The following GOLM2 variants were observed in gnomAD, a reference collection of about 807,000 sequenced individuals.
The protein encoded by GOLM2 is protein GOLM2.
GOLM2 carries 26 observed loss-of-function variants against 55.9 expected under a neutral mutation model. The observed-to-expected ratio is 0.47, with a 90% CI of 0.34 to 0.65. GOLM2 has a LOEUF of 0.65. GOLM2 is among the 30% of genes least tolerant of loss of function. The pLI is 0.01. For missense variants in GOLM2, 486 were observed against 531.8 expected (o/e 0.91, Z 0.85); for synonymous variants, 165 against 194.6 (o/e 0.85, Z 1.27).
chr15:44,412,981 C>T (rs2079648299), intron 9 of GOLM2, among the ~76,000 whole-genome samples: 1 of 147,726 alleles, frequency 6.8e-6, no homozygotes, highest in Admixed American at 6.8e-5. Flanking sequence ...CCAGCCTAGG[C>T]AACGGAGTGA....
At chr15:44,390,238 A>C (rs541167977) in intron 8 of GOLM2, 12 of 152,368 alleles carry the variant, frequency 7.9e-5, no homozygotes, top group Admixed American at 1.3e-4. Flanking sequence ...TACTTCAAAG[A>C]AACAGACATC....
intron 6 of GOLM2, among the ~76,000 whole-genome samples, chr15:44,367,779 G>C (rs956383086): frequency 1.1e-4 from 17 of 147,970 alleles, no homozygotes; most frequent in Non-Finnish European, 2.1e-4. Context: ...TGGCGACGGA[G>C]ACTCTGTCTC....
chr15:44,310,438 T>TTCTCTCTCTCTCTCTCTCTCTCTC (rs778563022), intron 1 of GOLM2, among the ~76,000 whole-genome samples: 22 of 136,602 alleles, frequency 1.6e-4, no homozygotes, highest in African/African-American at 4.2e-4. Context: ...GAGTCTCTCT[T>TTCTCTCTCTCTCTCTCTCTCTCTC]TCTCTCTCTC....
chr15:44,369,815 G>A (rs941566621), intron 6 of GOLM2, among the ~76,000 whole-genome samples: 1 of 151,772 alleles, frequency 6.6e-6, no homozygotes, highest in African/African-American at 2.4e-5. Flanking sequence ...AATTTAAAAT[G>A]TGTGTAACTT....
intron 1 of GOLM2, among the ~76,000 whole-genome samples, chr15:44,317,620 T>A (rs2078919963): frequency 6.6e-6 from 1 of 152,178 alleles, no homozygotes; most frequent in African/African-American, 2.4e-5. Context: ...TTTCCCTCAG[T>A]GATCTCATTC....
chr15:44,291,962 T>C (rs2078723805), intron 1 of GOLM2, among the ~76,000 whole-genome samples: 1 of 152,142 alleles, frequency 6.6e-6, no homozygotes, highest in African/African-American at 2.4e-5. Flanking sequence ...CTATTCAATT[T>C]TGTTTAACTC....
intron 1 of GOLM2, among the ~76,000 whole-genome samples, chr15:44,320,865 G>C (rs1036261153): frequency 1.3e-5 from 2 of 152,150 alleles, no homozygotes; most frequent in African/African-American, 4.8e-5. Context: ...CAGTCAGACA[G>C]TATGTTGGTG....
chr15:44,378,058 TA>T (rs1413719648), intron 6 of GOLM2, among the ~76,000 whole-genome samples: 4 of 150,098 alleles, frequency 2.7e-5, no homozygotes, highest in African/African-American at 2.4e-5. Flanking sequence ...TTTATTTATT[TA>T]TTTTTTTGAG....
At position 44,323,076 on chromosome 15, in the gene GOLM2, G is replaced by A. The variant is rs1217145714; in HGVS notation, c.382+57G>A. 4.3e-6 allele frequency: 5 copies of A among 1,166,148 alleles called. No homozygotes were observed. In the East Asian group the frequency reaches 1.3e-4, roughly 31 times the overall value. 72.2% of individuals were successfully genotyped at this position (1,166,148 alleles called of 1,614,324 possible). On this transcript the variant is annotated intron_variant, in intron 2 of 9. Transcript: ENST00000299957. ...CCAAGGTCACTAAATGCCTAAAATT[G>A]TGAAGAATTAAGAAATAGTAAATTA...
Position 44,407,133 on chromosome 15 carries a change from T to C in GOLM2, c.1240+4079T>C, listed in dbSNP as rs1293186077. ...TATTTATAATATATTTATATAGATA[T>C]ATAAATGGTTATATATTTATAATAT... On this transcript the variant is annotated intron_variant, in intron 9 of 9. Coordinates refer to ENST00000299957, the MANE Select transcript of GOLM2 (RefSeq NM_138423.4). Among the ~76,000 whole-genome samples, 7 of 146,750 alleles carry C rather than the reference T, an allele frequency of 4.8e-5. No homozygotes were observed. The Admixed American group carries it at 4.8e-4, about 10-fold the overall frequency.
intron 1 of GOLM2, among the ~76,000 whole-genome samples, chr15:44,294,036 A>G (rs1303857303): frequency 6.6e-6 from 1 of 152,092 alleles, no homozygotes; most frequent in African/African-American, 2.4e-5. Flanking sequence ...TGTTGCTCAA[A>G]TTGTTCTGGC....
At chr15:44,389,383 C>T (rs1308763156) in intron 8 of GOLM2, among the ~76,000 whole-genome samples, 1 of 151,844 alleles carries the variant, frequency 6.6e-6, no homozygotes, top group Non-Finnish European at 1.5e-5. Flanking sequence ...TACAAAATTA[C>T]CCAGGTGTGG....
At chr15:44,325,195 G>A (rs189457809) in intron 2 of GOLM2, among the ~76,000 whole-genome samples, 17 of 151,926 alleles carry the variant, frequency 1.1e-4, no homozygotes, top group African/African-American at 4.1e-4. Context: ...TTGCTTTCTG[G>A]TCTTCTTACT....
At chr15:44,389,880 A>C (rs2079476021) in intron 8 of GOLM2, 1 of 152,260 alleles carries the variant, frequency 6.6e-6, no homozygotes, top group South Asian at 2.1e-4. Context: ...CAGTTTCACC[A>C]TGTTGCTCAG....
chr15:44,346,335 C>G (rs1231490710), intron 6 of GOLM2, among the ~76,000 whole-genome samples: 9 of 151,624 alleles, frequency 5.9e-5, no homozygotes, highest in Non-Finnish European at 1.2e-4. Context: ...GATACTGATG[C>G]CTAAATTCCA....
rs543876004 is a variant in GOLM2 at position 44,369,742 on chromosome 15, G to A, written c.803-9948G>A. ...CACACACATATATATATAAAGGGGAGTTTATTAAGTATTAATAAAGCCTGG... is the reference window on the plus strand; with the variant it reads ...CACACACATATATATATAAAGGGGAATTTATTAAGTATTAATAAAGCCTGG... On this transcript the variant is annotated intron_variant, in intron 6 of 9. Transcript: ENST00000299957. Among the ~76,000 whole-genome samples, 581 of 149,652 alleles carry A rather than the reference G, an allele frequency of 3.9e-3. 2 individuals are homozygous for A. The highest frequency in any genetic ancestry group is 5.6e-3 in the Non-Finnish European group (381 of 67,786).
rs531250732 is a variant in GOLM2, at chr15:44,369,840, T to TA, written c.803-9843dup. ...GTGTGTAACTTGAGTCCTAGAAGGATAAAAAAAGATAGAATTTTAAAATTT... is the reference window on the plus strand; with the variant it reads ...GTGTGTAACTTGAGTCCTAGAAGGATAAAAAAAAGATAGAATTTTAAAATTT... On this transcript the variant is annotated intron_variant, in intron 6 of 9. Transcript: ENST00000299957. 7.9e-5 allele frequency among the ~76,000 whole-genome samples: 12 copies of TA among 151,894 alleles called. No individual in the cohort carries two copies. In the South Asian group the frequency reaches 2.3e-3, roughly 29 times the overall value.
At chr15:44,318,836 A>G (rs748665203) in intron 1 of GOLM2, among the ~76,000 whole-genome samples, 51 of 152,078 alleles carry the variant, frequency 3.4e-4, no homozygotes, top group Non-Finnish European at 6.5e-4. Flanking sequence ...AACCTTACTT[A>G]CCTTTCTAGC....
chr15:44,402,672 C>T, intron 8 of GOLM2: 1 of 415,092 alleles, frequency 2.4e-6, no homozygotes, highest in Non-Finnish European at 4.3e-6. Flanking sequence ...CTAAAATTAA[C>T]ACAAAAGAGA....
Sources: allele counts gnomAD v4.1 joint callset (sites outside exome capture counted in the v4.1 genomes callset), GRCh38; gene constraint gnomAD v4.1.1; transcripts MANE v1.5; gene names NCBI Gene and HGNC (gene_info 2026-07-23, HGNC 2026-07-21).